PCBP3: variants seen among roughly 807,000 people sequenced by gnomAD.
PCBP3 encodes poly(rC) binding protein 3, also known as poly(rC)-binding protein 3.
A neutral mutation model predicts 52.7 loss-of-function variants in PCBP3; 25 were observed. The ratio of observed to expected loss-of-function variants is 0.47; its 90% CI spans 0.35 to 0.66. The LOEUF (loss-of-function observed/expected upper bound fraction) is 0.66. Among genes scored for constraint, PCBP3 ranks in the 30% least tolerant of loss-of-function variants. PCBP3 has a pLI of 0.01. For missense variants in PCBP3, 391 were observed against 490.3 expected (o/e 0.80, Z 1.91); for synonymous variants, 162 against 183.0 (o/e 0.89, Z 0.93).
At chr21:45,870,235 T>A (rs1183623036) in intron 5 of PCBP3, among the ~76,000 whole-genome samples, 2 of 152,224 alleles carry the variant, frequency 1.3e-5, no homozygotes, top group South Asian at 2.1e-4. Flanking sequence ...TTAATGGTTT[T>A]AGTTGCTTTA....
At chr21:45,757,409 A>G (rs573761068) in intron 4 of PCBP3, among the ~76,000 whole-genome samples, 2 of 152,262 alleles carry the variant, frequency 1.3e-5, no homozygotes, top group South Asian at 4.1e-4. Flanking sequence ...TTTTAAATAT[A>G]TATATTCTGG....
chr21:45,677,869 C>T (rs942422169), intron 2 of PCBP3, among the ~76,000 whole-genome samples: 1 of 152,152 alleles, frequency 6.6e-6, no homozygotes, highest in Non-Finnish European at 1.5e-5. Context: ...AGACCTGCTG[C>T]CCAGAAAAAG....
intron 10 of PCBP3, among the ~76,000 whole-genome samples, chr21:45,910,003 T>G (rs1271517814): frequency 2.3e-5 from 1 of 42,740 alleles, no homozygotes; most frequent in African/African-American, 9.3e-5. Context: ...CTCACCTGCT[T>G]CCCAAATATG....
At chr21:45,865,825 T>A (rs1208069167) in intron 5 of PCBP3, among the ~76,000 whole-genome samples, 1 of 152,212 alleles carries the variant, frequency 6.6e-6, no homozygotes, top group Non-Finnish European at 1.5e-5. Context: ...GGCAGGCGGC[T>A]GTCCTGCAGA....
intron 4 of PCBP3, among the ~76,000 whole-genome samples, chr21:45,769,693 C>T (rs2089693105): frequency 6.6e-6 from 1 of 152,352 alleles, no homozygotes; most frequent in East Asian, 1.9e-4. Flanking sequence ...GTCCTAAAGT[C>T]CTGCATTTCT....
rs1284270118 is a variant in PCBP3 at position 45,785,508 on chromosome 21, G to GGA, written c.-126+30057_-126+30058insAG. On this transcript the variant is annotated intron_variant, in intron 4 of 17. Transcript: ENST00000681687. Reference sequence around the variant, plus strand: ...CCTGGCCAGCCGCCCCGTCCGGGAGGGGGGGGGGTCAGCCCCCCGCCCGGC... The same window carrying GGA: ...CCTGGCCAGCCGCCCCGTCCGGGAGGGAGGGGGGGGTCAGCCCCCCGCCCGGC... Among the ~76,000 whole-genome samples, 15 of 74,630 alleles carry GGA rather than the reference G, an allele frequency of 2.0e-4. 1 individual carries two copies. Among genetic ancestry groups the GGA allele is most frequent in the African/African-American group, 1.1e-3 (12 of 10,454 alleles). The allele number at this position is 74,630 out of a possible 152,430, so 49.0% of individuals were successfully genotyped here. A position where few individuals can be genotyped will look rare whatever the true frequency, so the allele number is the denominator to read the frequency against.
At chr21:45,733,831 C>A (rs571009055) in intron 2 of PCBP3, among the ~76,000 whole-genome samples, 1 of 152,152 alleles carries the variant, frequency 6.6e-6, no homozygotes, top group Non-Finnish European at 1.5e-5. Flanking sequence ...GAACTCCTGA[C>A]CTCGAGTGAT....
chr21:45,755,753 C>T (rs180887692), intron 4 of PCBP3, among the ~76,000 whole-genome samples: 72 of 152,262 alleles, frequency 4.7e-4, no homozygotes, highest in African/African-American at 1.6e-3. Flanking sequence ...ACATTTTGCC[C>T]ATTAAAATTA....
chr21:45,767,174 C>T (rs1288928597), intron 4 of PCBP3, among the ~76,000 whole-genome samples: 1 of 152,164 alleles, frequency 6.6e-6, no homozygotes, highest in Non-Finnish European at 1.5e-5. Flanking sequence ...ATTCTCACCC[C>T]CCCAAAGTAA....
chr21:45,879,662 T>A (rs189469108), intron 5 of PCBP3, among the ~76,000 whole-genome samples: 1 of 152,012 alleles, frequency 6.6e-6, no homozygotes, highest in Admixed American at 6.6e-5. Flanking sequence ...TAACCAGAGA[T>A]AACTGGAAAT....
intron 5 of PCBP3, among the ~76,000 whole-genome samples, chr21:45,860,735 T>G (rs761617607): frequency 7.9e-5 from 12 of 152,200 alleles, no homozygotes; most frequent in Non-Finnish European, 1.3e-4. Context: ...TGGACAGCCC[T>G]TCCTTACACA....
rs143206206 is a variant in PCBP3 at position 45,904,066 on chromosome 21, G to T, written c.339+2953G>T. ...CCCTTCCAGTAGACAAAATCTCCTG[G>T]TTGAAGGTCCTAAGGAGGATGTTTG... On this transcript the variant is annotated intron_variant, in intron 9 of 17. Coordinates refer to ENST00000681687, the MANE Select transcript of PCBP3 (RefSeq NM_001384156.1). The surrounding 1 kb of genome is among the most constrained non-coding windows in gnomAD (Gnocchi z 4.8). Among the ~76,000 whole-genome samples the T allele has an allele frequency of 1.4e-4, 21 of 152,262 alleles. No individual in the cohort carries two copies. In the East Asian group the frequency reaches 4.1e-3, roughly 29 times the overall value.
chr21:45,694,571 A>G (rs925024066), intron 2 of PCBP3, among the ~76,000 whole-genome samples: 3 of 152,242 alleles, frequency 2.0e-5, no homozygotes, highest in Non-Finnish European at 4.4e-5. Context: ...AAATACAAAA[A>G]GCAAAAACAG....
chr21:45,759,206 T>C (rs1426328329), intron 4 of PCBP3, among the ~76,000 whole-genome samples: 1 of 152,226 alleles, frequency 6.6e-6, no homozygotes, highest in Admixed American at 6.5e-5. Flanking sequence ...TTTCCTCCTT[T>C]TCTGTTTTCA....
chr21:45,935,728 T>C (rs1486435316), intron 16 of PCBP3, among the ~76,000 whole-genome samples: 3 of 152,186 alleles, frequency 2.0e-5, no homozygotes, highest in Non-Finnish European at 2.9e-5. Context: ...TCTCCATGAG[T>C]TGGCTCCAAC....
At chr21:45,938,483 A>T (rs2077113140) in intron 16 of PCBP3, among the ~76,000 whole-genome samples, 1 of 152,194 alleles carries the variant, frequency 6.6e-6, no homozygotes, top group African/African-American at 2.4e-5. Context: ...TCTCTCTGCC[A>T]CCAGGGAGGA....
intron 4 of PCBP3, chr21:45,762,926 G>A (rs2088861647): frequency 6.6e-6 from 1 of 152,226 alleles, no homozygotes; most frequent in South Asian, 2.1e-4. Flanking sequence ...GGGGTCATGT[G>A]AGCCATGGCT....
At chr21:45,868,708 C>A (rs995888641) in intron 5 of PCBP3, among the ~76,000 whole-genome samples, 2 of 152,200 alleles carry the variant, frequency 1.3e-5, no homozygotes, top group Non-Finnish European at 2.9e-5. Flanking sequence ...CGTTGCACGT[C>A]CCCCCGTCAC....
chr21:45,655,501 G>A (rs2146936059), intron 1 of PCBP3, among the ~76,000 whole-genome samples: 1 of 152,230 alleles, frequency 6.6e-6, no homozygotes, highest in East Asian at 1.9e-4. Context: ...GTATAAATTA[G>A]CATTTCTGTA....
Sources: allele counts gnomAD v4.1 joint callset (sites outside exome capture counted in the v4.1 genomes callset), GRCh38; gene constraint gnomAD v4.1.1; non-coding constraint Gnocchi (gnomAD v3.1); transcripts MANE v1.5; gene names NCBI Gene and HGNC (gene_info 2026-07-23, HGNC 2026-07-21).